LARS2: variants seen among roughly 807,000 people sequenced by gnomAD.
LARS2 encodes the protein leucyl-tRNA synthetase 2, mitochondrial.
A neutral mutation model predicts 116.6 loss-of-function variants in LARS2; 81 were observed. The ratio of observed to expected loss-of-function variants is 0.69; its 90% CI spans 0.58 to 0.84. The LOEUF (loss-of-function observed/expected upper bound fraction) is 0.84, where lower values mean the gene tolerates loss of function less well. Ranked by LOEUF, LARS2 falls within the 40% of genes least tolerant of loss-of-function variation. LARS2 has a pLI of 0.00. For missense variants in LARS2, 968 were observed against 1,114.5 expected (o/e 0.87, Z 1.87); for synonymous variants, 396 against 407.2 (o/e 0.97, Z 0.33).
rs768935434 is a variant in LARS2, at chr3:45,417,586, A to C, written c.455+13A>C. The C allele has an allele frequency of 6.3e-7, 1 of 1,596,138 alleles. No homozygotes were observed. The highest frequency in any genetic ancestry group is 1.3e-5 in the African/African-American group (1 of 74,452). ...GTTGGACACAAAGGTAAGTGTTTAC[A>C]GGCATATTCAAATACTTGCATACAA... On this transcript the variant is annotated intron_variant, in intron 5 of 21. Coordinates refer to ENST00000645846, the MANE Select transcript of LARS2 (RefSeq NM_015340.4).
At chr3:45,538,206 G>A (rs1488099613) in intron 20 of LARS2, 2 of 152,236 alleles carry the variant, frequency 1.3e-5, no homozygotes, top group Non-Finnish European at 2.9e-5. Context: ...ATATGGAAAT[G>A]TTGGCAGGGG....
chr3:45,469,582 G>T (rs1018839006), intron 8 of LARS2, among the ~76,000 whole-genome samples: 3 of 152,068 alleles, frequency 2.0e-5, no homozygotes, highest in Non-Finnish European at 4.4e-5. Context: ...CTGACCTCGT[G>T]ATCCGCCCGC....
At chr3:45,453,249 T>C (rs1462942843) in intron 7 of LARS2, among the ~76,000 whole-genome samples, 1 of 152,170 alleles carries the variant, frequency 6.6e-6, no homozygotes, top group Admixed American at 6.5e-5. Context: ...TCCTTGTGCA[T>C]TTTTTATCTG....
intron 3 of LARS2, among the ~76,000 whole-genome samples, chr3:45,397,789 A>G (rs1185685981): frequency 6.6e-6 from 1 of 152,176 alleles, no homozygotes; most frequent in Non-Finnish European, 1.5e-5. Context: ...AATTGAGTGG[A>G]TAGTTTTCTT....
At chr3:45,532,110 T>TA (rs1200236369) in intron 20 of LARS2, among the ~76,000 whole-genome samples, 1 of 152,238 alleles carries the variant, frequency 6.6e-6, no homozygotes, top group Non-Finnish European at 1.5e-5. Context: ...TTCTTTATTA[T>TA]ACTTTTTAGA....
intron 6 of LARS2, among the ~76,000 whole-genome samples, chr3:45,424,950 T>A (rs930724426): frequency 6.6e-5 from 10 of 152,236 alleles, no homozygotes; most frequent in Non-Finnish European, 1.3e-4. Context: ...TTGCTTTTTA[T>A]ACCACTGATT....
chr3:45,495,475 C>T (rs1020361183), intron 13 of LARS2: 2 of 152,198 alleles, frequency 1.3e-5, no homozygotes, highest in African/African-American at 2.4e-5. Flanking sequence ...TTGTCTTCCT[C>T]GAGTCATCCT....
At position 45,500,437 on chromosome 3, in the gene LARS2, T is replaced by TA; in HGVS notation, c.1623-4dup. On this transcript the variant is annotated splice_region_variant and splice_polypyrimidine_tract_variant and intron_variant, in intron 14 of 21. Coordinates refer to ENST00000645846, the MANE Select transcript of LARS2 (RefSeq NM_015340.4). Reference sequence around the variant, plus strand: ...TTTAAAAATGCCTCCATCTCTTTTTTACAGCCCTTTTAACACAGCAGTGGC... The same window carrying TA: ...TTTAAAAATGCCTCCATCTCTTTTTTAACAGCCCTTTTAACACAGCAGTGGC... 6.3e-7 allele frequency: 1 copy of TA among 1,596,428 alleles called. No individual in the cohort carries two copies. Among genetic ancestry groups the TA allele is most frequent in the Non-Finnish European group, 8.5e-7 (1 of 1,175,030 alleles).
intron 8 of LARS2, among the ~76,000 whole-genome samples, chr3:45,466,824 C>T (rs1461247169): frequency 6.6e-6 from 1 of 152,168 alleles, no homozygotes; most frequent in Non-Finnish European, 1.5e-5. Flanking sequence ...TCAAGTGATT[C>T]TCCTGCTTCA....
intron 7 of LARS2, among the ~76,000 whole-genome samples, chr3:45,447,311 G>A (rs1243128292): frequency 1.3e-5 from 2 of 152,138 alleles, no homozygotes; most frequent in African/African-American, 4.8e-5. Context: ...TAGGAAACAT[G>A]GTTTTGTATC....
rs1315078766 is a variant in LARS2, at chr3:45,432,434, A to G, written c.516+12705A>G. On this transcript the variant is annotated intron_variant, in intron 6 of 21. Transcript: ENST00000645846. ...TAAGTCTAAATAGATTTTAAAAGATATATAAAGCATCTTCTCAGACCACAA... is the reference window on the plus strand; with the variant it reads ...TAAGTCTAAATAGATTTTAAAAGATGTATAAAGCATCTTCTCAGACCACAA... 2.6e-5 allele frequency among the ~76,000 whole-genome samples: 4 copies of G among 152,276 alleles called. No homozygotes were observed. In the East Asian group the frequency reaches 7.7e-4, roughly 29 times the overall value.
At chr3:45,444,460 G>A (rs1450508723) in intron 6 of LARS2, among the ~76,000 whole-genome samples, 1 of 104,794 alleles carries the variant, frequency 9.5e-6, no homozygotes, top group Non-Finnish European at 2.0e-5. Context: ...TCAGGAGATC[G>A]AGACCATCCC....
At chr3:45,404,823 G>A (rs966623070) in intron 4 of LARS2, among the ~76,000 whole-genome samples, 2 of 152,108 alleles carry the variant, frequency 1.3e-5, no homozygotes, top group Non-Finnish European at 2.9e-5. Context: ...CTGATCTCAG[G>A]TGATCAGCCT....
At chr3:45,444,844 A>G (rs1698992623) in intron 6 of LARS2, among the ~76,000 whole-genome samples, 2 of 151,234 alleles carry the variant, frequency 1.3e-5, no homozygotes, top group South Asian at 4.2e-4. Flanking sequence ...TGTGTTATAT[A>G]TTTACTAAAA....
At position 45,524,870 on chromosome 3, in the gene LARS2, G is replaced by A. The variant is rs543565647; in HGVS notation, c.2404+762G>A. ...CATGTTGTTTAGTTGAGCAAACCAC[G>A]AGTCTCAGTGTAAGCTTGAGTGATA... On this transcript the variant is annotated intron_variant, in intron 20 of 21. Transcript: ENST00000645846. Among the ~76,000 whole-genome samples, 9 of 152,334 alleles carry A rather than the reference G, an allele frequency of 5.9e-5. No individual in the cohort carries two copies. In the South Asian group the frequency reaches 1.0e-3, roughly 18 times the overall value.
chr3:45,427,164 G>A (rs1698607947), intron 6 of LARS2, among the ~76,000 whole-genome samples: 1 of 152,176 alleles, frequency 6.6e-6, no homozygotes, highest in Non-Finnish European at 1.5e-5. Flanking sequence ...ACATCAGCCA[G>A]GTACAACATT....
chr3:45,519,749 G>C (rs1700424557), intron 18 of LARS2: 1 of 159,506 alleles, frequency 6.3e-6, no homozygotes, highest in African/African-American at 2.4e-5. Flanking sequence ...CCAGGTTCAA[G>C]AGATTCTCCT....
chr3:45,464,312 G>A (rs1232619896), intron 8 of LARS2, among the ~76,000 whole-genome samples: 3 of 152,314 alleles, frequency 2.0e-5, no homozygotes, highest in African/African-American at 4.8e-5. Context: ...AAGCAGTGAG[G>A]CAGGGTCCAG....
At chr3:45,390,886 C>T (rs1347640603) in intron 1 of LARS2, among the ~76,000 whole-genome samples, 9 of 151,984 alleles carry the variant, frequency 5.9e-5, no homozygotes, top group East Asian at 5.9e-4. Context: ...GTGATCCACC[C>T]GCCTCGGCCT....
Sources: allele counts gnomAD v4.1 joint callset (sites outside exome capture counted in the v4.1 genomes callset), GRCh38; gene constraint gnomAD v4.1.1; transcripts MANE v1.5; gene names NCBI Gene and HGNC (gene_info 2026-07-23, HGNC 2026-07-21).